The following ATOSA variants were observed in gnomAD, a reference collection of about 807,000 sequenced individuals.
The protein encoded by ATOSA is atos homolog A.
At chr15:52,599,071 C>A in the ATOSA span, among the ~76,000 whole-genome samples, 1 of 152,176 alleles carries the variant, frequency 6.6e-6, no homozygotes, top group Non-Finnish European at 1.5e-5. Context: ...GCCAATTAAA[C>A]CTCTTTTCTT....
At chr15:52,686,238 T>A in the ATOSA span, among the ~76,000 whole-genome samples, 110 of 152,338 alleles carry the variant, frequency 7.2e-4, no homozygotes, top group African/African-American at 2.6e-3. Flanking sequence ...TCAGAGTATA[T>A]CAGTTCATTG....
the ATOSA span, chr15:52,609,645 T>C: frequency 6.2e-7 from 1 of 1,613,422 alleles, no homozygotes; most frequent in Non-Finnish European, 8.5e-7. Flanking sequence ...TGGAGAAAGC[T>C]TCTTTACCTT....
chr15:52,629,064 A>G, the ATOSA span, among the ~76,000 whole-genome samples: 15 of 152,340 alleles, frequency 9.8e-5, no homozygotes, highest in Middle Eastern at 3.4e-3. Context: ...CCTTCAATCT[A>G]TAAGTGTCCA....
chr15:52,699,260 G>A, the ATOSA span, among the ~76,000 whole-genome samples: 1 of 152,090 alleles, frequency 6.6e-6, no homozygotes, highest in Non-Finnish European at 1.5e-5. Flanking sequence ...TCACAGTGGT[G>A]GCAGTTGGGA....
chr15:52,667,872 C>G, the ATOSA span, among the ~76,000 whole-genome samples: 1 of 152,186 alleles, frequency 6.6e-6, no homozygotes, highest in Admixed American at 6.5e-5. Flanking sequence ...AACCTTACTC[C>G]GGTTAGAATG....
chr15:52,689,994 T>G, the ATOSA span, among the ~76,000 whole-genome samples: 1 of 152,250 alleles, frequency 6.6e-6, no homozygotes, highest in East Asian at 1.9e-4. Context: ...TCTGTGAAAC[T>G]TGACTGTATA....
chr15:52,596,200 T>C, the ATOSA span, among the ~76,000 whole-genome samples: 2 of 152,126 alleles, frequency 1.3e-5, no homozygotes, highest in Non-Finnish European at 2.9e-5. Context: ...TATAAATAAA[T>C]GAATTTCAGG....
chr15:52,697,464 G>A, the ATOSA span, among the ~76,000 whole-genome samples: 8 of 152,182 alleles, frequency 5.3e-5, no homozygotes, highest in Non-Finnish European at 8.8e-5. Flanking sequence ...GATGTGAACA[G>A]ATGCTTCATA....
chr15:52,599,034 C>A, the ATOSA span, among the ~76,000 whole-genome samples: 2 of 152,228 alleles, frequency 1.3e-5, no homozygotes, highest in East Asian at 1.9e-4. Flanking sequence ...CAGCACCATG[C>A]TTCATGTAAA....
chr15:52,652,003 T>A, the ATOSA span: 1 of 1,525,978 alleles, frequency 6.6e-7, no homozygotes, highest in Middle Eastern at 1.7e-4. Context: ...TTAAAACAAA[T>A]GTTCAGCGTT....
the ATOSA span, among the ~76,000 whole-genome samples, chr15:52,643,405 C>T: frequency 6.6e-6 from 1 of 152,048 alleles, no homozygotes; most frequent in Non-Finnish European, 1.5e-5. Flanking sequence ...GATCCTCCCG[C>T]CTCAGCCTCC....
the ATOSA span, among the ~76,000 whole-genome samples, chr15:52,662,749 G>A: frequency 5.8e-5 from 8 of 137,010 alleles, no homozygotes; most frequent in South Asian, 2.3e-4. Context: ...CAGCCTGAGC[G>A]ACAGAGCAAG....
the ATOSA span, among the ~76,000 whole-genome samples, chr15:52,646,868 T>C: frequency 6.6e-6 from 1 of 152,210 alleles, no homozygotes; most frequent in Admixed American, 6.5e-5. Flanking sequence ...AGGGGGTTGA[T>C]AGCATTCAGC....
the ATOSA span, among the ~76,000 whole-genome samples, chr15:52,700,743 C>A: frequency 6.6e-6 from 1 of 152,134 alleles, no homozygotes; most frequent in Non-Finnish European, 1.5e-5. Flanking sequence ...TATTGGAAAG[C>A]AAGCAAAATA....
At chr15:52,672,164 C>T in the ATOSA span, among the ~76,000 whole-genome samples, 4 of 20,004 alleles carry the variant, frequency 2.0e-4, no homozygotes, top group Non-Finnish European at 9.3e-4. Context: ...TAGTGAGACC[C>T]CATTTCTCAA....
the ATOSA span, among the ~76,000 whole-genome samples, chr15:52,693,563 A>G: frequency 1.3e-5 from 2 of 152,222 alleles, no homozygotes. Flanking sequence ...ATAGAGGTCC[A>G]TTCACAAAAA....
the ATOSA span, chr15:52,657,075 A>G: frequency 2.0e-5 from 3 of 152,182 alleles, no homozygotes; most frequent in Non-Finnish European, 2.9e-5. Flanking sequence ...ACTTTGTGAA[A>G]TAATATTTTG....
chr15:52,615,029 C>T, the ATOSA span, among the ~76,000 whole-genome samples: 4 of 152,136 alleles, frequency 2.6e-5, no homozygotes, highest in African/African-American at 9.7e-5. Context: ...CTCTCCCCCT[C>T]CCTTTACTAG....
the ATOSA span, chr15:52,601,026 AAAG>A: frequency 1.9e-6 from 2 of 1,048,860 alleles, no homozygotes; most frequent in Non-Finnish European, 2.8e-6. Context: ...ATTTATTGTT[AAAG>A]ACCAGAATTT....
Sources: allele counts gnomAD v4.1 joint callset (sites outside exome capture counted in the v4.1 genomes callset), GRCh38; gene constraint gnomAD v4.1.1; transcripts MANE v1.5; gene names NCBI Gene and HGNC (gene_info 2026-07-23, HGNC 2026-07-21).